The following LHPP variants were observed in gnomAD, a reference collection of about 807,000 sequenced individuals.
The protein encoded by LHPP is hLHPP.
Under a neutral mutation model 30.3 loss-of-function variants are expected in LHPP, and 24 were observed. The ratio of observed to expected loss-of-function variants is 0.79; its 90% confidence interval spans 0.57 to 1.11. The LOEUF is 1.11. Among genes scored for constraint, LHPP ranks in the 50% most tolerant of loss-of-function variants. The probability of loss-of-function intolerance (pLI) is 0.00; values close to 1 mark genes in which losing one functional copy is unlikely to be tolerated. For missense variants in LHPP, 356 were observed against 367.2 expected, an observed-to-expected ratio of 0.97 and a Z score of 0.25; for synonymous variants, 150 against 157.1, an observed-to-expected ratio of 0.95 and a Z score of 0.34.
At chr10:124,481,373 C>CCTTTTTTTT (rs780510243) in intron 1 of LHPP, among the ~76,000 whole-genome samples, 1 of 85,028 alleles carries the variant, frequency 1.2e-5, no homozygotes, top group Non-Finnish European at 2.2e-5. Context: ...TATCTGCCCC[C>CCTTTTTTTT]TTTTTTTTTT....
intron 6 of LHPP, among the ~76,000 whole-genome samples, chr10:124,585,806 G>T (rs976246605): frequency 6.6e-6 from 1 of 151,736 alleles, no homozygotes; most frequent in Admixed American, 6.6e-5. Context: ...TCTTTTTTTG[G>T]AGATAGAGTC....
chr10:124,547,032 C>CAT (rs1564823221), intron 6 of LHPP, among the ~76,000 whole-genome samples: 2 of 1,350 alleles, frequency 1.5e-3, no homozygotes, highest in Non-Finnish European at 2.2e-3. Flanking sequence ...CACACACACA[C>CAT]GCACACGCGC....
intron 6 of LHPP, among the ~76,000 whole-genome samples, chr10:124,584,055 A>C (rs1039904340): frequency 3.9e-5 from 6 of 152,334 alleles, no homozygotes; most frequent in African/African-American, 1.4e-4. Context: ...CAAATAAGTC[A>C]GCTGGGATTC....
At chr10:124,473,560 G>T (rs986963439) in intron 1 of LHPP, among the ~76,000 whole-genome samples, 1 of 152,098 alleles carries the variant, frequency 6.6e-6, no homozygotes, top group Non-Finnish European at 1.5e-5. Context: ...GTCCCTTAGC[G>T]TTCCGTCACC....
At chr10:124,533,149 C>T (rs1954939398) in intron 6 of LHPP, among the ~76,000 whole-genome samples, 1 of 152,182 alleles carries the variant, frequency 6.6e-6, no homozygotes, top group African/African-American at 2.4e-5. Context: ...CTGGGGTTGT[C>T]AGCCTGGCCT....
intron 6 of LHPP, among the ~76,000 whole-genome samples, chr10:124,524,952 C>T (rs1401844925): frequency 6.6e-6 from 1 of 152,190 alleles, no homozygotes; most frequent in Non-Finnish European, 1.5e-5. Context: ...ACAAAGCAAA[C>T]ACTCTAAGGT....
intron 6 of LHPP, among the ~76,000 whole-genome samples, chr10:124,608,101 C>A (rs1257951742): frequency 2.0e-5 from 3 of 152,148 alleles, no homozygotes; most frequent in Non-Finnish European, 2.9e-5. Flanking sequence ...CAGGCACCCT[C>A]CCTAGTGCCA....
rs985991129 is a variant in LHPP, at chr10:124,497,336, G to A, written c.531+312G>A. ...CCCCCTGCCCGCCGTGGACCCTGCC[G>A]CTCTCCCAGCTGCTCTCTGCCACAC... On this transcript the variant is annotated intron_variant, in intron 4 of 6. Transcript: ENST00000368842. Among the ~76,000 whole-genome samples, 133 of 143,550 alleles carry A rather than the reference G, an allele frequency of 9.3e-4. 3 individuals are homozygous for A. The highest frequency in any genetic ancestry group is 3.2e-3 in the African/African-American group (126 of 38,814). 94.2% of individuals were successfully genotyped at this position (143,550 alleles called of 152,430 possible).
rs1948872757 is a variant in LHPP at position 124,590,689 on chromosome 10, C to T, written c.717-22575C>T. On this transcript the variant is annotated intron_variant, in intron 6 of 6. Coordinates refer to ENST00000368842, the MANE Select transcript of LHPP (RefSeq NM_022126.4). The surrounding 1 kb of genome is among the most constrained non-coding windows in gnomAD (Gnocchi z 4.3). ...CAACAAGGCTCAGCTGAGCCCTTGC[C>T]AGAGGAGACACGGTGGGCACCAGCC... Among the ~76,000 whole-genome samples the T allele has an allele frequency of 6.6e-6, 1 of 152,238 alleles. No homozygotes were observed. Among genetic ancestry groups the T allele is most frequent in the South Asian group, 2.1e-4 (1 of 4,832 alleles).
intron 1 of LHPP, among the ~76,000 whole-genome samples, chr10:124,473,441 G>T (rs757286278): frequency 6.6e-6 from 1 of 152,162 alleles, no homozygotes; most frequent in African/African-American, 2.4e-5. Flanking sequence ...CCTCTTACCT[G>T]TTGCAAAGCT....
Position 124,496,936 on chromosome 10 carries a change from C to G in LHPP, c.468-25C>G, listed in dbSNP as rs200256756. 2 of 1,606,886 alleles carry G rather than the reference C, an allele frequency of 1.2e-6. No homozygotes were observed. Among genetic ancestry groups the G allele is most frequent in the Non-Finnish European group, 1.7e-6 (2 of 1,175,618 alleles). On this transcript the variant is annotated intron_variant, in intron 3 of 6. Transcript: ENST00000368842. The surrounding 1 kb of genome is among the most constrained non-coding windows in gnomAD (Gnocchi z 4.3). ...GGTCAGCTCCCCGTGCTCAGCATCC[C>G]GTGCTCCGTTCTGCTCTCTCCTAGG...
intron 6 of LHPP, among the ~76,000 whole-genome samples, chr10:124,598,670 C>T (rs2134008834): frequency 6.6e-6 from 1 of 151,354 alleles, no homozygotes; most frequent in South Asian, 2.1e-4. Context: ...TCCCTATCCA[C>T]CTGTCCACCC....
intron 3 of LHPP, among the ~76,000 whole-genome samples, chr10:124,491,521 C>T (rs1319116055): frequency 6.6e-6 from 1 of 152,228 alleles, no homozygotes; most frequent in African/African-American, 2.4e-5. Flanking sequence ...TGCTGTCCCC[C>T]AGCCATTGAG....
intron 6 of LHPP, among the ~76,000 whole-genome samples, chr10:124,536,416 G>T (rs144846472): frequency 1.4e-3 from 212 of 152,352 alleles, no homozygotes; most frequent in African/African-American, 4.9e-3. Context: ...ACCCCAGCCA[G>T]GCTGGATGGA....
intron 6 of LHPP, among the ~76,000 whole-genome samples, chr10:124,542,479 T>G: frequency 6.6e-6 from 1 of 152,086 alleles, no homozygotes; most frequent in African/African-American, 2.4e-5. Flanking sequence ...AGGTCCAGGG[T>G]CTCCCTGGGA....
chr10:124,550,656 G>C lies in LHPP; in HGVS notation c.716+33385G>C, dbSNP rs116093736. The stretch of plus-strand genomic sequence containing the variant: ...CCAGTGTACAAATGTGTGCACACAG[G>C]CGTGTCCCCCGTGCCTTTTCCCTAC... On this transcript the variant is annotated intron_variant, in intron 6 of 6. Coordinates refer to ENST00000368842, the MANE Select transcript of LHPP (RefSeq NM_022126.4). Among the ~76,000 whole-genome samples the C allele has an allele frequency of 4.6e-3, 697 of 152,304 alleles. 5 individuals are homozygous for C. Among genetic ancestry groups the C allele is most frequent in the African/African-American group, 0.016 (649 of 41,562 alleles).
intron 6 of LHPP, among the ~76,000 whole-genome samples, chr10:124,518,200 C>T (rs1431304553): frequency 6.6e-6 from 1 of 152,210 alleles, no homozygotes; most frequent in African/African-American, 2.4e-5. Flanking sequence ...TGGTCCCTTC[C>T]AGCTACCTCC....
At chr10:124,601,484 C>T (rs1949019787) in intron 6 of LHPP, among the ~76,000 whole-genome samples, 2 of 152,172 alleles carry the variant, frequency 1.3e-5, no homozygotes, top group African/African-American at 2.4e-5. Flanking sequence ...TTCAAGGTAC[C>T]GCATTTGCCA....
At chr10:124,572,665 A>G (rs1009571374) in intron 6 of LHPP, among the ~76,000 whole-genome samples, 34 of 118,334 alleles carry the variant, frequency 2.9e-4, no homozygotes, top group East Asian at 9.0e-4. Context: ...GAAAGGAAAG[A>G]AAAGAAAAAA....
Sources: gnomAD v4.1 joint callset for allele counts (sites outside exome capture counted in the v4.1 genomes callset) on GRCh38, gnomAD v4.1.1 for gene constraint, Gnocchi (gnomAD v3.1) non-coding constraint, MANE v1.5 for transcripts, NCBI Gene and HGNC (gene_info 2026-07-23, HGNC 2026-07-21) for gene names.